NT5DC3: variants seen among roughly 807,000 people sequenced by gnomAD.
NT5DC3 encodes 5'-nucleotidase domain-containing protein 3.
NT5DC3 carries 42 observed loss-of-function variants against 67.8 expected under a neutral mutation model. The observed-to-expected ratio is 0.62, with a 90% CI of 0.48 to 0.80. The LOEUF is 0.80. NT5DC3 is among the 30% of genes least tolerant of loss of function. The pLI, the probability that NT5DC3 is intolerant of heterozygous loss-of-function variation, is 0.00. For synonymous variants in NT5DC3, 237 were observed against 255.6 expected (o/e 0.93, Z 0.69); for missense variants, 570 against 696.4 (o/e 0.82, Z 2.04).
the NT5DC3 span, chr12:103,762,471 C>A: frequency 6.2e-7 from 1 of 1,608,238 alleles, no homozygotes. Context: ...ACCTGGGCTG[C>A]TTCAGTCGGT....
chr12:103,784,038 C>T (rs1258407321), intron 12 of NT5DC3, among the ~76,000 whole-genome samples: 2 of 152,164 alleles, frequency 1.3e-5, no homozygotes, highest in African/African-American at 4.8e-5. Flanking sequence ...GATACCTAAC[C>T]TCTCAAAAAC....
At chr12:103,771,140 C>A (rs893817531), downstream of NT5DC3, 1 of 152,178 alleles carries the variant, frequency 6.6e-6, no homozygotes, top group Admixed American at 6.5e-5. Context: ...GTCTTACATA[C>A]GTGTGTCTAT....
chr12:103,816,892 C>T (rs890575881), intron 1 of NT5DC3, among the ~76,000 whole-genome samples: 5 of 151,644 alleles, frequency 3.3e-5, no homozygotes, highest in South Asian at 2.1e-4. Context: ...CATGGCACTG[C>T]GCAAAGAACT....
chr12:103,766,212 G>C, downstream of NT5DC3: 2 of 1,588,402 alleles, frequency 1.3e-6, no homozygotes. Flanking sequence ...CCTCAGACCA[G>C]TGGCCACCAG....
At chr12:103,750,702 G>A in the NT5DC3 span, 1 of 1,613,708 alleles carries the variant, frequency 6.2e-7, no homozygotes, top group Non-Finnish European at 8.5e-7. Flanking sequence ...CGCCAAATGT[G>A]TCGACCTCCA....
At chr12:103,821,688 C>A (rs1887497580) in intron 1 of NT5DC3, among the ~76,000 whole-genome samples, 1 of 152,204 alleles carries the variant, frequency 6.6e-6, no homozygotes, top group Non-Finnish European at 1.5e-5. Context: ...GTTAAGTTTT[C>A]TATTGCTTAC....
downstream of NT5DC3, among the ~76,000 whole-genome samples, chr12:103,768,117 C>CTT (rs1233893018): frequency 4.2e-3 from 587 of 140,286 alleles, 4 homozygotes; most frequent in African/African-American, 0.014. Flanking sequence ...AAATTTAACA[C>CTT]TTGGGATACT....
At chr12:103,806,740 G>C in intron 3 of NT5DC3, 115 bp downstream of exon 3, 1 of 682,312 alleles carries the variant, frequency 1.5e-6, no homozygotes, top group Non-Finnish European at 2.6e-6. Context: ...TGGTTCTGCA[G>C]TCCCAAATAA....
chr12:103,809,384 G>T (rs1452792748), intron 2 of NT5DC3, among the ~76,000 whole-genome samples: 1 of 152,198 alleles, frequency 6.6e-6, no homozygotes, highest in Non-Finnish European at 1.5e-5. Flanking sequence ...CACTCTCAAT[G>T]TTATTCTTGG....
chr12:103,816,648 C>T (rs1469349845), intron 1 of NT5DC3, among the ~76,000 whole-genome samples: 1 of 152,128 alleles, frequency 6.6e-6, no homozygotes, highest in Non-Finnish European at 1.5e-5. Context: ...TTACAATTTC[C>T]ATGAGTCCAC....
At chr12:103,802,600 G>A (rs922529396) in intron 4 of NT5DC3, among the ~76,000 whole-genome samples, 1 of 152,168 alleles carries the variant, frequency 6.6e-6, no homozygotes, top group African/African-American at 2.4e-5. Context: ...GGTAGTGCCA[G>A]GGGTCACCAA....
chr12:103,789,293 G>A (rs1176517054), intron 9 of NT5DC3, among the ~76,000 whole-genome samples: 5 of 151,966 alleles, frequency 3.3e-5, no homozygotes, highest in African/African-American at 4.8e-5. Context: ...GCATGGTGGC[G>A]GGCACCTGTA....
intron 1 of NT5DC3, among the ~76,000 whole-genome samples, chr12:103,818,656 G>A (rs895319845): frequency 2.6e-5 from 4 of 152,132 alleles, no homozygotes; most frequent in Non-Finnish European, 4.4e-5. Flanking sequence ...GGTTACCAGC[G>A]TGAGCCACTG....
intron 1 of NT5DC3, among the ~76,000 whole-genome samples, chr12:103,840,275 A>G (rs1228759951): frequency 1.3e-5 from 2 of 152,170 alleles, no homozygotes; most frequent in East Asian, 3.8e-4. Context: ...GCACCTGGCC[A>G]TGAAGTTCCC....
downstream of NT5DC3, among the ~76,000 whole-genome samples, chr12:103,765,501 T>G (rs929801455): frequency 7.2e-5 from 11 of 152,234 alleles, no homozygotes; most frequent in African/African-American, 2.4e-4. Flanking sequence ...TCTATTATGC[T>G]AATTGACAAA....
At position 103,793,918 on chromosome 12, in the gene NT5DC3, G is replaced by A; in HGVS notation, c.814+19C>T. On this transcript the variant is annotated intron_variant, in intron 7 of 13. Transcript: ENST00000392876. The stretch of plus-strand genomic sequence containing the variant: ...ACAGAAAGGCTGAAACTCTCTTCGT[G>A]ATACTGCTGAGCACATACCAATGTC... The A allele has an allele frequency of 6.3e-7, 1 of 1,592,362 alleles. No individual in the cohort carries two copies. Among genetic ancestry groups the A allele is most frequent in the Non-Finnish European group, 8.6e-7 (1 of 1,160,866 alleles).
At chr12:103,786,334 CAGAA>C (rs1394847679) in intron 11 of NT5DC3, among the ~76,000 whole-genome samples, 1 of 152,134 alleles carries the variant, frequency 6.6e-6, no homozygotes, top group East Asian at 1.9e-4. Flanking sequence ...TATGTGGAAA[CAGAA>C]AGATTCTGGC....
chr12:103,783,216 C>G (rs1885631514), intron 12 of NT5DC3, among the ~76,000 whole-genome samples: 1 of 152,174 alleles, frequency 6.6e-6, no homozygotes, highest in South Asian at 2.1e-4. Context: ...TGAGATAGGA[C>G]ACTGATTTGG....
chr12:103,756,271 A>C, the NT5DC3 span, among the ~76,000 whole-genome samples: 19 of 152,350 alleles, frequency 1.2e-4, no homozygotes, highest in East Asian at 3.1e-3. Flanking sequence ...TCATCTGGAG[A>C]AAGGTTTGGT....
Sources: gnomAD v4.1 joint callset for allele counts (sites outside exome capture counted in the v4.1 genomes callset) on GRCh38, gnomAD v4.1.1 for gene constraint, MANE v1.5 for transcripts, NCBI Gene and HGNC (gene_info 2026-07-23, HGNC 2026-07-21) for gene names.